The following ACER2 variants were observed in gnomAD, a reference collection of about 807,000 sequenced individuals.
ACER2 encodes alkaline ceramidase 2, also known as alkCDase 2.
A neutral mutation model predicts 34.7 loss-of-function variants in ACER2; 26 were observed. The observed-to-expected ratio is 0.75, with a 90% confidence interval of 0.55 to 1.04. The LOEUF (loss-of-function observed/expected upper bound fraction) is 1.04, where lower values mean the gene tolerates loss of function less well. Ranked by LOEUF, ACER2 falls within the 50% of genes least tolerant of loss-of-function variation. The pLI is 0.00. For missense variants in ACER2, 352 were observed against 340.8 expected (o/e 1.03, Z -0.26); for synonymous variants, 138 against 132.1 (o/e 1.04, Z -0.31).
chr9:19,430,077 C>T (rs953819210), intron 3 of ACER2, among the ~76,000 whole-genome samples: 2 of 151,992 alleles, frequency 1.3e-5, no homozygotes, highest in Admixed American at 6.5e-5. Flanking sequence ...ATTATCACTG[C>T]TTTAAAGAGT....
chr9:19,441,440 A>G (rs1182122249), intron 4 of ACER2, among the ~76,000 whole-genome samples: 3 of 151,860 alleles, frequency 2.0e-5, no homozygotes, highest in African/African-American at 7.3e-5. Context: ...TGAGCTGATC[A>G]CTCCCACAAG....
intron 3 of ACER2, among the ~76,000 whole-genome samples, chr9:19,431,910 C>G (rs1830766278): frequency 6.6e-6 from 1 of 152,318 alleles, no homozygotes; most frequent in East Asian, 1.9e-4. Flanking sequence ...TAACTGTGAC[C>G]TGTTCCAGGG....
At chr9:19,433,830 G>T (rs1004961705) in intron 3 of ACER2, among the ~76,000 whole-genome samples, 2 of 151,470 alleles carry the variant, frequency 1.3e-5, no homozygotes, top group African/African-American at 4.9e-5. Flanking sequence ...GCCGGGCAGA[G>T]GGGCTCCTCA....
chr9:19,422,564 A>G (rs1424388623), intron 1 of ACER2, among the ~76,000 whole-genome samples: 2 of 152,152 alleles, frequency 1.3e-5, no homozygotes, highest in Non-Finnish European at 2.9e-5. Flanking sequence ...AAAGCTGACA[A>G]AGGGCAACGA....
At chr9:19,440,776 A>C (rs1422304348) in intron 4 of ACER2, among the ~76,000 whole-genome samples, 1 of 152,092 alleles carries the variant, frequency 6.6e-6, no homozygotes, top group East Asian at 1.9e-4. Flanking sequence ...TGACTCCTAA[A>C]CTTACGTCTC....
chr9:19,448,508 C>A (rs1378287099), intron 5 of ACER2, among the ~76,000 whole-genome samples: 1 of 152,118 alleles, frequency 6.6e-6, no homozygotes, highest in Non-Finnish European at 1.5e-5. Flanking sequence ...TAATTTTCCA[C>A]TTTTGCAAAC....
Position 19,435,094 on chromosome 9 carries a change from A to G in ACER2, c.503+10A>G, listed in dbSNP as rs1198640093. 5 of 1,613,868 alleles carry G rather than the reference A, an allele frequency of 3.1e-6. No homozygotes were observed. The highest frequency in any genetic ancestry group is 3.3e-5 in the Admixed American group (2 of 59,980). On this transcript the variant is annotated intron_variant, in intron 4 of 5. Coordinates refer to ENST00000340967, the MANE Select transcript of ACER2 (RefSeq NM_001010887.3). ...TCGCAGAGCTAAAGAGGTAGGTGCC[A>G]TCATTCCTGCCTACCCTTAGCTGTC...
At chr9:19,432,123 A>T (rs1271394063) in intron 3 of ACER2, among the ~76,000 whole-genome samples, 2 of 152,252 alleles carry the variant, frequency 1.3e-5, no homozygotes, top group African/African-American at 4.8e-5. Context: ...TTCTACTGAA[A>T]TGACCTCCAC....
chr9:19,410,912 A>C (rs1274619614), intron 1 of ACER2, among the ~76,000 whole-genome samples: 2 of 152,234 alleles, frequency 1.3e-5, no homozygotes, highest in African/African-American at 4.8e-5. Context: ...ATAGTGAAAG[A>C]GTAAGGATTT....
At chr9:19,449,020 T>A (rs1054916410) in intron 5 of ACER2, among the ~76,000 whole-genome samples, 10 of 152,114 alleles carry the variant, frequency 6.6e-5, no homozygotes, top group African/African-American at 2.2e-4. Flanking sequence ...GTCCCAGCTA[T>A]TTGGGAGGTT....
At chr9:19,445,451 A>G (rs1056575436) in intron 4 of ACER2, among the ~76,000 whole-genome samples, 1 of 152,238 alleles carries the variant, frequency 6.6e-6, no homozygotes. Context: ...TATAATCACT[A>G]CCTAGAAAAT....
intron 4 of ACER2, among the ~76,000 whole-genome samples, chr9:19,438,858 T>C (rs1831054808): frequency 6.6e-6 from 1 of 152,198 alleles, no homozygotes; most frequent in African/African-American, 2.4e-5. Context: ...TGATCATAGC[T>C]CATTGCATCT....
intron 1 of ACER2, among the ~76,000 whole-genome samples, chr9:19,410,096 A>G (rs574415227): frequency 6.6e-6 from 1 of 152,278 alleles, no homozygotes; most frequent in South Asian, 2.1e-4. Flanking sequence ...AACAAGGGAA[A>G]CAGGAACTCC....
In ACER2 at chr9:19,423,843, T is replaced by A. The variant is rs1448255465; in HGVS notation, c.109-19T>A. The A allele has an allele frequency of 1.9e-6, 3 of 1,592,316 alleles. No homozygotes were observed. Among genetic ancestry groups the A allele is most frequent in the African/African-American group, 1.3e-5 (1 of 74,558 alleles). ...TTTACTTAATACTCATCTTTCTGTTTTACATTTTTTTCCTGCAGATCAGCA... is the reference window on the plus strand; with the variant it reads ...TTTACTTAATACTCATCTTTCTGTTATACATTTTTTTCCTGCAGATCAGCA... On this transcript the variant is annotated intron_variant, in intron 1 of 5. Coordinates refer to ENST00000340967, the MANE Select transcript of ACER2 (RefSeq NM_001010887.3).
chr9:19,436,300 GT>G (rs1289873947), intron 4 of ACER2, among the ~76,000 whole-genome samples: 4 of 151,910 alleles, frequency 2.6e-5, no homozygotes, highest in Non-Finnish European at 5.9e-5. Context: ...CACTAATGAC[GT>G]TTTTTAAAAA....
At chr9:19,417,421 C>G (rs1830270706) in intron 1 of ACER2, among the ~76,000 whole-genome samples, 3 of 152,202 alleles carry the variant, frequency 2.0e-5, no homozygotes, top group African/African-American at 7.2e-5. Context: ...CAAGGCATTC[C>G]TAAGCCAAAA....
At chr9:19,445,163 T>TTCG (rs1831312901) in intron 4 of ACER2, among the ~76,000 whole-genome samples, 1 of 152,194 alleles carries the variant, frequency 6.6e-6, no homozygotes, top group Non-Finnish European at 1.5e-5. Context: ...CCCCCAGGTG[T>TTCG]TCGTCCCCAG....
chr9:19,411,818 A>T (rs951261258), intron 1 of ACER2, among the ~76,000 whole-genome samples: 18 of 152,230 alleles, frequency 1.2e-4, no homozygotes, highest in African/African-American at 4.1e-4. Flanking sequence ...GGGGTAGCAC[A>T]TCACTACTAC....
chr9:19,412,460 C>T (rs1198526382), intron 1 of ACER2, among the ~76,000 whole-genome samples: 26 of 151,982 alleles, frequency 1.7e-4, no homozygotes, highest in Admixed American at 1.7e-3. Context: ...TGAGACCAAC[C>T]TGGCCAACAT....
Sources: gnomAD v4.1 joint callset for allele counts (sites outside exome capture counted in the v4.1 genomes callset) on GRCh38, gnomAD v4.1.1 for gene constraint, MANE v1.5 for transcripts, NCBI Gene and HGNC (gene_info 2026-07-23, HGNC 2026-07-21) for gene names.